The following NKAIN3 variants were observed in gnomAD, a reference collection of about 807,000 sequenced individuals.
NKAIN3 encodes the protein sodium/potassium-transporting ATPase subunit beta-1-interacting protein 3.
In NKAIN3, 25 loss-of-function variants were observed where a neutral mutation model predicts 30.2. The observed-to-expected ratio is 0.83, with a 90% confidence interval of 0.60 to 1.16. NKAIN3 has a LOEUF of 1.16. Among genes scored for constraint, NKAIN3 ranks in the 50% most tolerant of loss-of-function variants. The pLI, the probability that NKAIN3 is intolerant of heterozygous loss-of-function variation, is 0.00. For synonymous variants in NKAIN3, 91 were observed against 89.6 expected (o/e 1.02, Z -0.09); for missense variants, 225 against 254.1 (o/e 0.89, Z 0.78).
At chr8:62,987,136 C>T (rs773457063), downstream of NKAIN3, among the ~76,000 whole-genome samples, 4 of 152,116 alleles carry the variant, frequency 2.6e-5, no homozygotes, top group Non-Finnish European at 5.9e-5. Context: ...CCTATAATCC[C>T]AGCACTTTGG....
At chr8:62,249,224 G>T in intron 1 of NKAIN3, 97 bp downstream of exon 1, 6 of 1,042,322 alleles carry the variant, frequency 5.8e-6, no homozygotes, top group Admixed American at 5.0e-5. Flanking sequence ...GGCAAGGGGC[G>T]AACGGGTGAA....
chr8:62,817,758 C>T (rs1274789100), intron 4 of NKAIN3, among the ~76,000 whole-genome samples: 3 of 152,130 alleles, frequency 2.0e-5, no homozygotes, highest in Admixed American at 2.0e-4. Flanking sequence ...TTCATTGAGC[C>T]TGTCCTTAGT....
At chr8:62,551,843 C>T (rs1320582886) in intron 1 of NKAIN3, among the ~76,000 whole-genome samples, 2 of 152,220 alleles carry the variant, frequency 1.3e-5, no homozygotes, top group African/African-American at 4.8e-5. Flanking sequence ...CTACATTTTA[C>T]TTATCCTGCT....
intron 4 of NKAIN3, among the ~76,000 whole-genome samples, chr8:62,860,202 G>A (rs916126675): frequency 1.3e-5 from 2 of 152,314 alleles, no homozygotes; most frequent in Admixed American, 1.3e-4. Context: ...TAGGAAAGAT[G>A]TGGCTTATTT....
Position 62,958,999 on chromosome 8 carries a change from C to T in NKAIN3, c.603+5027C>T, listed in dbSNP as rs370168590. The stretch of plus-strand genomic sequence containing the variant: ...AAGCTGACCTGAGATTCCCCCATAA[C>T]TTTCAGCAAATCTTTTTCTAAGGCT... On this transcript the variant is annotated intron_variant, in intron 6 of 6. Coordinates refer to ENST00000623646, the MANE Select transcript of NKAIN3 (RefSeq NM_001304533.3). Among the ~76,000 whole-genome samples the T allele has an allele frequency of 1.5e-3, 235 of 152,338 alleles. 2 individuals carry two copies. Among genetic ancestry groups the T allele is most frequent in the Middle Eastern group, 6.8e-3 (2 of 294 alleles).
At chr8:62,703,350 T>C (rs1241733345) in intron 3 of NKAIN3, among the ~76,000 whole-genome samples, 1 of 152,130 alleles carries the variant, frequency 6.6e-6, no homozygotes, top group Admixed American at 6.6e-5. Flanking sequence ...ATTTTTAAGA[T>C]CAACAGAACA....
chr8:62,344,842 A>T, intron 1 of NKAIN3: 1 of 433,728 alleles, frequency 2.3e-6, no homozygotes, highest in Non-Finnish European at 4.6e-6. Context: ...GTGTCTGTGA[A>T]GAATGTCATG....
intron 1 of NKAIN3, among the ~76,000 whole-genome samples, chr8:62,498,885 GC>G (rs1807327207): frequency 6.6e-6 from 1 of 151,984 alleles, no homozygotes; most frequent in Admixed American, 6.6e-5. Context: ...TAAGATCTTT[GC>G]CATACAATAT....
At chr8:62,486,422 T>C (rs887340720) in intron 1 of NKAIN3, among the ~76,000 whole-genome samples, 7 of 152,080 alleles carry the variant, frequency 4.6e-5, no homozygotes, top group African/African-American at 1.7e-4. Context: ...AAAAAAAATG[T>C]CTTTGTGTAA....
intron 2 of NKAIN3, among the ~76,000 whole-genome samples, chr8:62,585,646 C>T (rs1810448008): frequency 6.6e-6 from 1 of 152,098 alleles, no homozygotes; most frequent in South Asian, 2.1e-4. Flanking sequence ...GGCTTGTGTT[C>T]CTATGAGAAT....
chr8:62,420,801 T>C lies in NKAIN3; in HGVS notation c.55-158738T>C, dbSNP rs146952841. Among the ~76,000 whole-genome samples the C allele has an allele frequency of 5.9e-5, 9 of 152,282 alleles. No individual in the cohort carries two copies. The East Asian group carries it at 1.3e-3, about 23-fold the overall frequency. On this transcript the variant is annotated intron_variant, in intron 1 of 6. Coordinates refer to ENST00000623646, the MANE Select transcript of NKAIN3 (RefSeq NM_001304533.3). ...TCATTTTCAGATAAATTTACACAAA[T>C]CATAAATTAGTTTAAAAATTTTCAG...
At chr8:62,657,696 A>G (rs1762723768) in intron 3 of NKAIN3, among the ~76,000 whole-genome samples, 1 of 152,182 alleles carries the variant, frequency 6.6e-6, no homozygotes, top group Admixed American at 6.5e-5. Flanking sequence ...TTGTTGCATG[A>G]TCGATGGTGC....
At chr8:62,292,564 C>G (rs536949213) in intron 1 of NKAIN3, among the ~76,000 whole-genome samples, 154 of 152,246 alleles carry the variant, frequency 1.0e-3, no homozygotes, top group African/African-American at 3.6e-3. Flanking sequence ...AATATTGGCC[C>G]CTAATCTCTT....
chr8:62,909,438 C>T (rs568880209), intron 4 of NKAIN3, among the ~76,000 whole-genome samples: 1 of 152,184 alleles, frequency 6.6e-6, no homozygotes, highest in Admixed American at 6.5e-5. Context: ...ATGACTCTTT[C>T]CAAATTTTAT....
intron 6 of NKAIN3, among the ~76,000 whole-genome samples, chr8:62,957,318 T>A (rs979816911): frequency 2.0e-5 from 3 of 152,176 alleles, no homozygotes; most frequent in African/African-American, 7.2e-5. Context: ...GTATTTTTAG[T>A]AGAGACGGGG....
intron 4 of NKAIN3, among the ~76,000 whole-genome samples, chr8:62,890,356 T>C (rs1174267212): frequency 6.6e-6 from 1 of 152,226 alleles, no homozygotes; most frequent in Non-Finnish European, 1.5e-5. Flanking sequence ...TGTTAGCTAA[T>C]TTGAGCAACA....
At chr8:62,620,063 A>G (rs1483286776) in intron 3 of NKAIN3, among the ~76,000 whole-genome samples, 2 of 152,160 alleles carry the variant, frequency 1.3e-5, no homozygotes, top group African/African-American at 4.8e-5. Context: ...AAGAAAATGA[A>G]GACCCAAAGA....
intron 4 of NKAIN3, among the ~76,000 whole-genome samples, chr8:62,761,392 A>G (rs1012249448): frequency 6.6e-6 from 1 of 152,166 alleles, no homozygotes; most frequent in African/African-American, 2.4e-5. Context: ...CACTTAGAGT[A>G]TGCGAATCAG....
chr8:62,852,490 TGCTA>T, intron 4 of NKAIN3, among the ~76,000 whole-genome samples: 1 of 152,344 alleles, frequency 6.6e-6, no homozygotes, highest in African/African-American at 2.4e-5. Flanking sequence ...TCTTGTCTTC[TGCTA>T]GCTTTTGAAT....
Sources: allele counts gnomAD v4.1 joint callset (sites outside exome capture counted in the v4.1 genomes callset), GRCh38; gene constraint gnomAD v4.1.1; transcripts MANE v1.5; gene names NCBI Gene and HGNC (gene_info 2026-07-23, HGNC 2026-07-21).